Variants in IFT74 observed in about 807,000 individuals in gnomAD.
IFT74 encodes the protein intraflagellar transport protein 74 homolog.
Under a neutral mutation model 96.7 loss-of-function variants are expected in IFT74, and 92 were observed. The ratio of observed to expected loss-of-function variants is 0.95; its 90% CI spans 0.80 to 1.13. The LOEUF is 1.13. Ranked by LOEUF, IFT74 falls within the 50% of genes most tolerant of loss-of-function variation. The pLI is 0.00. For missense variants in IFT74, 811 were observed against 698.2 expected (o/e 1.16, Z -1.82); for synonymous variants, 223 against 213.2 (o/e 1.05, Z -0.40).
At chr9:27,042,342 A>C (rs756251642) in intron 13 of IFT74, among the ~76,000 whole-genome samples, 2 of 152,178 alleles carry the variant, frequency 1.3e-5, no homozygotes, top group Non-Finnish European at 2.9e-5. Context: ...CATGAAGAGA[A>C]GACAGAAAAA....
chr9:26,999,291 T>A (rs1302452233), intron 8 of IFT74, among the ~76,000 whole-genome samples: 1 of 152,172 alleles, frequency 6.6e-6, no homozygotes, highest in Admixed American at 6.6e-5. Flanking sequence ...CAATAATAAT[T>A]CAATAGCAGT....
chr9:26,965,808 A>G (rs1826583426), intron 2 of IFT74, among the ~76,000 whole-genome samples: 1 of 151,914 alleles, frequency 6.6e-6, no homozygotes, highest in Admixed American at 6.6e-5. Context: ...TGTAATCTTT[A>G]GTGTCTGTTA....
At chr9:27,003,034 A>T (rs780203460) in intron 8 of IFT74, among the ~76,000 whole-genome samples, 3 of 151,806 alleles carry the variant, frequency 2.0e-5, no homozygotes, top group African/African-American at 4.8e-5. Flanking sequence ...AAGGTATTTT[A>T]TATTCTTTGT....
intron 6 of IFT74, among the ~76,000 whole-genome samples, chr9:26,985,784 A>G (rs1483985292): frequency 1.3e-5 from 2 of 152,176 alleles, no homozygotes; most frequent in African/African-American, 4.8e-5. Context: ...ATCAGTGATC[A>G]TTGCTTTAAA....
Position 26,974,693 on chromosome 9 carries a change from C to T in IFT74, c.121-3435C>T, listed in dbSNP as rs12352013. Reference sequence around the variant, plus strand: ...TTTCCAAATTGCCATAGCAGCCCTACGGTTATGCTTTTTTTCTCCTCCGAA... The same window carrying T: ...TTTCCAAATTGCCATAGCAGCCCTATGGTTATGCTTTTTTTCTCCTCCGAA... On this transcript the variant is annotated intron_variant, in intron 2 of 19. Transcript: ENST00000380062. Among the ~76,000 whole-genome samples, 1,277 of 152,184 alleles carry T rather than the reference C, an allele frequency of 8.4e-3. 19 individuals carry two copies. Among genetic ancestry groups the T allele is most frequent in the African/African-American group, 0.028 (1,167 of 41,512 alleles).
rs1820533725 is a variant in IFT74, at chr9:27,064,032, T to C, written c.*1296T>C. On this transcript the variant is annotated 3_prime_UTR_variant, in exon 20 of 20. Coordinates refer to ENST00000380062, the MANE Select transcript of IFT74 (RefSeq NM_025103.4). ...AAACAAAGGTGAATTATTTTATTTT[T>C]TCTTGACTGCTCATAACCCTTAATA... Among the ~76,000 whole-genome samples, 1 of 152,166 alleles carries C rather than the reference T, an allele frequency of 6.6e-6. No individual in the cohort carries two copies. Among genetic ancestry groups the C allele is most frequent in the Non-Finnish European group, 1.5e-5 (1 of 67,990 alleles).
At chr9:27,017,289 C>T (rs1829392962) in intron 11 of IFT74, among the ~76,000 whole-genome samples, 1 of 152,264 alleles carries the variant, frequency 6.6e-6, no homozygotes, top group African/African-American at 2.4e-5. Flanking sequence ...GTGGTGCAAT[C>T]ATAGCTCACT....
At chr9:26,958,135 G>C (rs1027993729) in intron 1 of IFT74, among the ~76,000 whole-genome samples, 1 of 152,182 alleles carries the variant, frequency 6.6e-6, no homozygotes, top group Non-Finnish European at 1.5e-5. Context: ...AGATACAAGA[G>C]AGAACAAAGT....
chr9:26,985,580 AG>A (rs1388943093), intron 6 of IFT74, among the ~76,000 whole-genome samples: 2 of 152,208 alleles, frequency 1.3e-5, no homozygotes, highest in African/African-American at 2.4e-5. Flanking sequence ...CAACAAATAA[AG>A]TATCCCTTTA....
intron 13 of IFT74, among the ~76,000 whole-genome samples, chr9:27,034,221 A>G (rs1028192222): frequency 1.4e-4 from 22 of 152,246 alleles, no homozygotes; most frequent in Admixed American, 1.4e-3. Flanking sequence ...TTAAAATACC[A>G]TAATACATAT....
chr9:27,018,649 T>C lies in IFT74; in HGVS notation c.936T>C (p.Ile312=). The C allele has an allele frequency of 6.6e-7, 1 of 1,507,484 alleles. No homozygotes were observed. Among genetic ancestry groups the C allele is most frequent in the Non-Finnish European group, 9.1e-7 (1 of 1,098,346 alleles). The allele number at this position is 1,507,484 out of a possible 1,614,324, so 93.4% of individuals were successfully genotyped here. The part of the protein sequence containing the change: ...MEEREKLLKQ[I]KDDNQEIASM... ...ACTTTCTTTTTATGCCTTTGTAGAT[T>C]AAAGATGATAATCAGGAAATAGCCA... The change falls in exon 12 of 20, where the codon ATT becomes ATC. Residue 312 remains isoleucine (I), a splice_region_variant and synonymous_variant. Transcript: ENST00000380062.
intron 13 of IFT74, among the ~76,000 whole-genome samples, chr9:27,031,933 A>G (rs1032230337): frequency 1.3e-5 from 2 of 152,132 alleles, no homozygotes; most frequent in African/African-American, 2.4e-5. Flanking sequence ...GCTGATCTCA[A>G]CGTGCTTGGC....
intron 8 of IFT74, among the ~76,000 whole-genome samples, chr9:26,997,356 CAG>C (rs1396346934): frequency 6.0e-4 from 67 of 111,638 alleles, no homozygotes; most frequent in African/African-American, 2.2e-3. Flanking sequence ...TTTTTTGAGA[CAG>C]AGTCTCACTC....
intron 1 of IFT74, among the ~76,000 whole-genome samples, chr9:26,959,118 T>C (rs997456680): frequency 6.6e-6 from 1 of 152,008 alleles, no homozygotes; most frequent in Admixed American, 6.5e-5. Context: ...TTGTTGTTGT[T>C]GTTGTTTTGA....
intron 2 of IFT74, among the ~76,000 whole-genome samples, chr9:26,964,439 C>A (rs545859640): frequency 2.0e-5 from 3 of 150,822 alleles, no homozygotes; most frequent in African/African-American, 4.9e-5. Context: ...ATTGACTTGG[C>A]GATGCGGGCT....
Position 27,063,496 on chromosome 9 carries a change from A to G in IFT74, c.*760A>G, listed in dbSNP as rs917431209. 6.6e-6 allele frequency among the ~76,000 whole-genome samples: 1 copy of G among 152,112 alleles called. No individual in the cohort carries two copies. The highest frequency in any genetic ancestry group is 2.4e-5 in the African/African-American group (1 of 41,454). On this transcript the variant is annotated 3_prime_UTR_variant, in exon 20 of 20. Coordinates refer to ENST00000380062, the MANE Select transcript of IFT74 (RefSeq NM_025103.4). ...AAACATTAGCCAGAATATTTGGGGA[A>G]AAAAGCTAGAAGAGGTAGGATTGGG...
intron 3 of IFT74, among the ~76,000 whole-genome samples, chr9:26,978,948 A>G (rs967212991): frequency 6.6e-6 from 1 of 152,122 alleles, no homozygotes; most frequent in African/African-American, 2.4e-5. Flanking sequence ...TATATAAACC[A>G]AACTATGGTA....
At chr9:26,971,839 A>G (rs1257262242) in intron 2 of IFT74, among the ~76,000 whole-genome samples, 1 of 152,202 alleles carries the variant, frequency 6.6e-6, no homozygotes, top group African/African-American at 2.4e-5. Context: ...CCAAAGGTGT[A>G]CTTAGAATCA....
intron 18 of IFT74, among the ~76,000 whole-genome samples, chr9:27,056,862 A>G (rs555331508): frequency 0.017 from 1,119 of 64,216 alleles, 8 homozygotes; most frequent in Non-Finnish European, 0.029. Context: ...GTCAATGGAT[A>G]GATAGATAGA....
Sources: allele counts gnomAD v4.1 joint callset (sites outside exome capture counted in the v4.1 genomes callset), GRCh38; gene constraint gnomAD v4.1.1; transcripts MANE v1.5; gene names NCBI Gene and HGNC (gene_info 2026-07-23, HGNC 2026-07-21).